The following NALF1 variants were observed in gnomAD, a reference collection of about 807,000 sequenced individuals.
The protein encoded by NALF1 is NALCN channel auxiliary factor 1, also known as family with sequence similarity 155 member A.
Under a neutral mutation model 48.4 loss-of-function variants are expected in NALF1, and 3 were observed. The ratio of observed to expected loss-of-function variants is 0.06; its 90% confidence interval spans 0.03 to 0.16. The LOEUF is 0.16. NALF1 is among the 10% of genes least tolerant of loss of function. NALF1 has a pLI of 1.00. For missense variants in NALF1, 526 were observed against 571.5 expected (o/e 0.92, Z 0.81); for synonymous variants, 262 against 245.7 (o/e 1.07, Z -0.62).
chr13:107,275,907 T>A (rs1566471948), intron 1 of NALF1, among the ~76,000 whole-genome samples: 1 of 152,162 alleles, frequency 6.6e-6, no homozygotes, highest in Non-Finnish European at 1.5e-5. Flanking sequence ...AGCTCATGCA[T>A]GTGGCTGTTA....
intron 1 of NALF1, among the ~76,000 whole-genome samples, chr13:107,770,079 A>AT (rs1247029319): frequency 3.3e-5 from 5 of 152,040 alleles, no homozygotes; most frequent in Admixed American, 6.5e-5. Flanking sequence ...CGCCCGGCTA[A>AT]TTTTTTGTAT....
chr13:107,328,490 T>A (rs1048114242), intron 1 of NALF1, among the ~76,000 whole-genome samples: 1 of 152,200 alleles, frequency 6.6e-6, no homozygotes, highest in Non-Finnish European at 1.5e-5. Flanking sequence ...GCAACTAGTA[T>A]GAGAAGTCCT....
At chr13:107,519,656 G>A (rs980448982) in intron 1 of NALF1, among the ~76,000 whole-genome samples, 1 of 152,138 alleles carries the variant, frequency 6.6e-6, no homozygotes, top group African/African-American at 2.4e-5. Context: ...CAGCCAAACA[G>A]AAGTTTCAGC....
intron 1 of NALF1, among the ~76,000 whole-genome samples, chr13:107,271,789 TATATATATATATATATATATA>T (rs1881173122): frequency 5.1e-5 from 4 of 77,938 alleles, no homozygotes; most frequent in Admixed American, 3.6e-4. Flanking sequence ...TATATATATA[TATATATATATATATATATATA>T]TATATATTTA....
In NALF1 at chr13:107,392,442, T is replaced by C. The variant is rs545728636; in HGVS notation, c.916-181687A>G. ...TCTGCTAAACACTCATGCATCCTTT[T>C]CCTAACAAATTCTGATAGCAGAGAT... On this transcript the variant is annotated intron_variant, in intron 1 of 2. Coordinates refer to ENST00000375915, the MANE Select transcript of NALF1 (RefSeq NM_001080396.3). Among the ~76,000 whole-genome samples the C allele has an allele frequency of 4.3e-4, 65 of 152,220 alleles. No individual in the cohort carries two copies. In the East Asian group the frequency reaches 0.011, roughly 26 times the overall value.
At chr13:107,486,606 A>G (rs1181137969) in intron 1 of NALF1, among the ~76,000 whole-genome samples, 2 of 152,158 alleles carry the variant, frequency 1.3e-5, no homozygotes, top group South Asian at 2.1e-4. Flanking sequence ...CTGCTCTCAC[A>G]TGGGATGTGG....
chr13:107,460,333 A>G (rs574162797), intron 1 of NALF1, among the ~76,000 whole-genome samples: 1 of 152,344 alleles, frequency 6.6e-6, no homozygotes, highest in African/African-American at 2.4e-5. Flanking sequence ...GAGCTCAGCA[A>G]CGAGGGTTAT....
chr13:107,340,936 G>A (rs9520394), intron 1 of NALF1, among the ~76,000 whole-genome samples: 114,224 of 151,506 alleles, frequency 0.75, 43,899 homozygotes, highest in Non-Finnish European at 0.82. Context: ...TAGGTGAGAA[G>A]TTTGAATCTG....
intron 1 of NALF1, among the ~76,000 whole-genome samples, chr13:107,359,136 ATAATT>A (rs1883016854): frequency 1.3e-5 from 2 of 152,004 alleles, no homozygotes; most frequent in African/African-American, 4.8e-5. Flanking sequence ...TGTCACTCTT[ATAATT>A]TATTCTTCTC....
intron 1 of NALF1, among the ~76,000 whole-genome samples, chr13:107,712,788 A>G (rs1875643522): frequency 6.6e-6 from 1 of 152,254 alleles, no homozygotes; most frequent in African/African-American, 2.4e-5. Context: ...TAGACAGTCT[A>G]CAAAAGCTTT....
chr13:107,851,856 T>G (rs1228196978), intron 1 of NALF1, among the ~76,000 whole-genome samples: 2 of 143,462 alleles, frequency 1.4e-5, no homozygotes. Context: ...TCATGCAGGC[T>G]TGAGTGCAGC....
intron 1 of NALF1, among the ~76,000 whole-genome samples, chr13:107,354,025 T>C (rs757115282): frequency 4.6e-5 from 7 of 152,210 alleles, no homozygotes; most frequent in Non-Finnish European, 1.0e-4. Flanking sequence ...TCTGAAAATA[T>C]GAATACTGCT....
intron 1 of NALF1, among the ~76,000 whole-genome samples, chr13:107,578,984 A>G (rs1049441477): frequency 1.3e-5 from 2 of 152,172 alleles, no homozygotes; most frequent in Non-Finnish European, 2.9e-5. Context: ...ATTCCTTCTC[A>G]ATTACTGTCA....
intron 2 of NALF1, among the ~76,000 whole-genome samples, chr13:107,181,031 T>G (rs1037356703): frequency 6.6e-5 from 10 of 151,648 alleles, no homozygotes; most frequent in Non-Finnish European, 1.3e-4. Flanking sequence ...ATTGTCTCAT[T>G]TTAAAACCCT....
At chr13:107,508,609 T>C (rs188163102) in intron 1 of NALF1, among the ~76,000 whole-genome samples, 4 of 152,214 alleles carry the variant, frequency 2.6e-5, no homozygotes, top group Admixed American at 2.6e-4. Flanking sequence ...AAAATGCAGT[T>C]CTAGTATTCT....
intron 1 of NALF1, among the ~76,000 whole-genome samples, chr13:107,422,080 G>C (rs1884198320): frequency 6.6e-6 from 1 of 152,098 alleles, no homozygotes; most frequent in African/African-American, 2.4e-5. Context: ...GTACTTTATA[G>C]ATCACTCCTT....
intron 1 of NALF1, among the ~76,000 whole-genome samples, chr13:107,496,178 T>C (rs1022852267): frequency 1.3e-5 from 2 of 152,202 alleles, no homozygotes; most frequent in Non-Finnish European, 2.9e-5. Flanking sequence ...GTTTTAAAAG[T>C]ATTTTCCCTG....
intron 1 of NALF1, among the ~76,000 whole-genome samples, chr13:107,376,938 C>A (rs1478426234): frequency 6.6e-6 from 1 of 152,188 alleles, no homozygotes; most frequent in East Asian, 1.9e-4. Context: ...TCAACTCGCT[C>A]CTGTTCAGCA....
chr13:107,240,376 G>A (rs1880442247), intron 1 of NALF1, among the ~76,000 whole-genome samples: 1 of 152,104 alleles, frequency 6.6e-6, no homozygotes, highest in Non-Finnish European at 1.5e-5. Flanking sequence ...TTTTATAGTA[G>A]TCCAAACACA....
Sources: allele counts gnomAD v4.1 joint callset (sites outside exome capture counted in the v4.1 genomes callset), GRCh38; gene constraint gnomAD v4.1.1; transcripts MANE v1.5; gene names NCBI Gene and HGNC (gene_info 2026-07-23, HGNC 2026-07-21).